ATP2A2: variants seen among roughly 807,000 people sequenced by gnomAD.
ATP2A2 encodes the protein sarcoplasmic/endoplasmic reticulum calcium ATPase 2.
Under a neutral mutation model 109.3 loss-of-function variants are expected in ATP2A2, and 14 were observed. The observed-to-expected ratio is 0.13, with a 90% CI of 0.08 to 0.20. The LOEUF is 0.20. ATP2A2 is among the 10% of genes least tolerant of loss of function. The pLI is 1.00. For synonymous variants in ATP2A2, 506 were observed against 490.9 expected (o/e 1.03, Z -0.41); for missense variants, 657 against 1,321.6 (o/e 0.50, Z 7.80).
chr12:110,343,452 A>C lies in ATP2A2; in HGVS notation c.2521+18A>C. 6.2e-7 allele frequency: 1 copy of C among 1,612,194 alleles called. No individual in the cohort carries two copies. Among genetic ancestry groups the C allele is most frequent in the Non-Finnish European group, 8.5e-7 (1 of 1,178,324 alleles). ...TATTGGCTGTGAGTACAATTTTTTT[A>C]TATTACTGATTTTTAAACAAAATGT... On this transcript the variant is annotated intron_variant, in intron 16 of 19. Coordinates refer to ENST00000539276, the MANE Select transcript of ATP2A2 (RefSeq NM_170665.4).
At chr12:110,319,223 G>GAAAAAAAA (rs59623372) in intron 5 of ATP2A2, among the ~76,000 whole-genome samples, 19 of 63,450 alleles carry the variant, frequency 3.0e-4, no homozygotes, top group South Asian at 5.9e-4. Flanking sequence ...AATAAAAAAT[G>GAAAAAAAA]AAAAAAAAAA....
At chr12:110,321,696 A>G (rs1877263217) in intron 5 of ATP2A2, among the ~76,000 whole-genome samples, 1 of 150,994 alleles carries the variant, frequency 6.6e-6, no homozygotes, top group Non-Finnish European at 1.5e-5. Context: ...CAGCCTCCCA[A>G]AGTGTTGGGA....
Position 110,339,740 on chromosome 12 carries a change from T to G in ATP2A2, c.1761+19T>G, listed in dbSNP as rs1879172122. The G allele has an allele frequency of 6.2e-7, 1 of 1,610,072 alleles. No individual in the cohort carries two copies. Among genetic ancestry groups the G allele is most frequent in the African/African-American group, 1.3e-5 (1 of 74,832 alleles). Reference sequence around the variant, plus strand: ...ATATGAGGTTAGCTAATGAAAAGTTTCTTTGTCCACACCCTGCACGATTCA... The same window carrying G: ...ATATGAGGTTAGCTAATGAAAAGTTGCTTTGTCCACACCCTGCACGATTCA... On this transcript the variant is annotated intron_variant, in intron 13 of 19. Transcript: ENST00000539276. This position sits in a 1 kb window ranked among gnomAD's most constrained non-coding sequence, Gnocchi z 4.4.
chr12:110,283,817 C>T (rs1001190873), intron 3 of ATP2A2, among the ~76,000 whole-genome samples: 18 of 152,054 alleles, frequency 1.2e-4, no homozygotes, highest in African/African-American at 4.4e-4. Flanking sequence ...ATGCAGGTCC[C>T]AGGGATCAGC....
chr12:110,297,804 G>A (rs894728483), intron 5 of ATP2A2, among the ~76,000 whole-genome samples: 17 of 152,016 alleles, frequency 1.1e-4, no homozygotes, highest in Non-Finnish European at 2.5e-4. Flanking sequence ...TTTTTGTAGA[G>A]AGGGAGTTTT....
At chr12:110,288,368 G>A (rs982273848) in intron 3 of ATP2A2, among the ~76,000 whole-genome samples, 1 of 151,612 alleles carries the variant, frequency 6.6e-6, no homozygotes, top group East Asian at 1.9e-4. Context: ...TAGGATTATA[G>A]GCATGAGCCA....
At chr12:110,316,909 T>C (rs1275814970) in intron 5 of ATP2A2, among the ~76,000 whole-genome samples, 1 of 152,176 alleles carries the variant, frequency 6.6e-6, no homozygotes, top group Non-Finnish European at 1.5e-5. Flanking sequence ...AAGCCCGGGT[T>C]GGGATGCCAA....
intron 5 of ATP2A2, among the ~76,000 whole-genome samples, chr12:110,305,584 A>G (rs1248331554): frequency 6.6e-6 from 1 of 152,296 alleles, no homozygotes. Context: ...TCTAGACTCT[A>G]TTCTTACTCC....
At chr12:110,341,103 C>T (rs976736446) in intron 14 of ATP2A2, 109 bp downstream of exon 14, 10 of 1,212,936 alleles carry the variant, frequency 8.2e-6, no homozygotes, top group Non-Finnish European at 1.2e-5. Context: ...TGGAATTTGT[C>T]ATGATTTGGG....
rs559713951 is a variant in ATP2A2, at chr12:110,320,669, C to T, written c.464-2323C>T. ...GAATTATATTAAAATGAAAGGTTCTCGTTGATTCAGTCTGAATATTGCTGT... is the reference window on the plus strand; with the variant it reads ...GAATTATATTAAAATGAAAGGTTCTTGTTGATTCAGTCTGAATATTGCTGT... On this transcript the variant is annotated intron_variant, in intron 5 of 19. Coordinates refer to ENST00000539276, the MANE Select transcript of ATP2A2 (RefSeq NM_170665.4). Among the ~76,000 whole-genome samples, 11 of 152,306 alleles carry T rather than the reference C, an allele frequency of 7.2e-5. No individual in the cohort carries two copies. The South Asian group carries it at 2.3e-3, about 32-fold the overall frequency.
intron 5 of ATP2A2, among the ~76,000 whole-genome samples, chr12:110,311,613 A>C (rs12228526): frequency 5.1e-4 from 74 of 145,026 alleles, no homozygotes; most frequent in African/African-American, 8.7e-4. Flanking sequence ...AAAAAAAAAA[A>C]AAAAAAAAAC....
intron 4 of ATP2A2, among the ~76,000 whole-genome samples, chr12:110,293,569 AC>A (rs1873591845): frequency 6.7e-6 from 1 of 149,128 alleles, no homozygotes; most frequent in Non-Finnish European, 1.5e-5. Context: ...TAACTTACTT[AC>A]TTTTAATAGA....
intron 11 of ATP2A2, among the ~76,000 whole-genome samples, chr12:110,337,351 TC>T (rs1403706472): frequency 2.0e-5 from 3 of 152,116 alleles, no homozygotes; most frequent in Non-Finnish European, 4.4e-5. Context: ...GGGATTTCCC[TC>T]CCCCACTCCC....
chr12:110,304,497 A>AC (rs1875045705), intron 5 of ATP2A2, among the ~76,000 whole-genome samples: 1 of 152,178 alleles, frequency 6.6e-6, no homozygotes, highest in African/African-American at 2.4e-5. Context: ...AGTGAGTATC[A>AC]TTGTGGTTTT....
At chr12:110,315,161 C>G (rs141715902) in intron 5 of ATP2A2, among the ~76,000 whole-genome samples, 1 of 152,086 alleles carries the variant, frequency 6.6e-6, no homozygotes, top group Non-Finnish European at 1.5e-5. Flanking sequence ...CCATCGCGCC[C>G]GGCAATATAC....
intron 3 of ATP2A2, among the ~76,000 whole-genome samples, chr12:110,291,035 A>G (rs1409027484): frequency 6.6e-6 from 1 of 151,764 alleles, no homozygotes. Flanking sequence ...CAGCCTCCTG[A>G]GTAGCTGGGA....
chr12:110,296,603 G>A lies in ATP2A2; in HGVS notation c.329G>A (p.Arg110Lys), dbSNP rs1035405963. ...CTTCTGTTTTCTTTTATACAGGAAA[G>A]AAATGCTGAAAATGCCATCGAAGCC... is the stretch of plus-strand genomic sequence containing the variant. ...ANAIVGVWQE[R>K]NAENAIEALK... The change falls in exon 5 of 20, where the codon AGA (arginine) becomes AAA (lysine). Residue 110 changes from arginine to lysine, a missense_variant. Arg to Lys is a conservative substitution (Grantham distance 26, BLOSUM62 2). Transcript: ENST00000539276. 1.2e-6 allele frequency: 2 copies of A among 1,614,102 alleles called. No homozygotes were observed. The highest frequency in any genetic ancestry group is 3.3e-5 in the Admixed American group (2 of 60,006).
chr12:110,297,079 G>A (rs1269847718), intron 5 of ATP2A2, among the ~76,000 whole-genome samples: 15 of 152,138 alleles, frequency 9.9e-5, no homozygotes, highest in Admixed American at 9.8e-4. Flanking sequence ...GGCTAATGAC[G>A]ACACAGTTTT....
chr12:110,289,720 A>G (rs547543889), intron 3 of ATP2A2, among the ~76,000 whole-genome samples: 14 of 152,316 alleles, frequency 9.2e-5, no homozygotes, highest in African/African-American at 3.4e-4. Flanking sequence ...ATATGCAAAC[A>G]TTTTAAGCAA....
Sources: allele counts gnomAD v4.1 joint callset (sites outside exome capture counted in the v4.1 genomes callset), GRCh38; gene constraint gnomAD v4.1.1; non-coding constraint Gnocchi (gnomAD v3.1); transcripts MANE v1.5; gene names NCBI Gene and HGNC (gene_info 2026-07-23, HGNC 2026-07-21).